GLRA3: variants seen among roughly 807,000 people sequenced by gnomAD.
GLRA3 encodes glycine receptor alpha 3, also known as glycine receptor subunit alpha-3.
In GLRA3, 44 loss-of-function variants were observed where a neutral mutation model predicts 60.4. That is an observed-to-expected ratio of 0.73 (90% CI 0.57 to 0.94). The LOEUF (loss-of-function observed/expected upper bound fraction) is 0.94. Among genes scored for constraint, GLRA3 ranks in the 40% least tolerant of loss-of-function variants. GLRA3 has a pLI of 0.00. For missense variants in GLRA3, 508 were observed against 564.6 expected (o/e 0.90, Z 1.02); for synonymous variants, 223 against 192.9 (o/e 1.16, Z -1.29).
At chr4:174,802,046 T>C (rs922138802) in intron 1 of GLRA3, among the ~76,000 whole-genome samples, 2 of 151,890 alleles carry the variant, frequency 1.3e-5, no homozygotes, top group African/African-American at 2.4e-5. Flanking sequence ...ATTTTTGAAA[T>C]GAATTAACTG....
At chr4:174,711,465 G>A (rs1413766586) in intron 5 of GLRA3, among the ~76,000 whole-genome samples, 1 of 147,388 alleles carries the variant, frequency 6.8e-6, no homozygotes, top group Non-Finnish European at 1.5e-5. Context: ...TTTTTAGAGA[G>A]AGTCTCACTC....
chr4:174,692,051 C>T (rs927257257), intron 5 of GLRA3, among the ~76,000 whole-genome samples: 2 of 151,970 alleles, frequency 1.3e-5, no homozygotes, highest in African/African-American at 4.8e-5. Context: ...ACCACCCCGT[C>T]TGGGAGGTGA....
intron 1 of GLRA3, among the ~76,000 whole-genome samples, chr4:174,810,340 G>C (rs114497219): frequency 1.6e-3 from 236 of 151,966 alleles, no homozygotes; most frequent in African/African-American, 5.4e-3. Flanking sequence ...GGAGAGGCAA[G>C]AACAAATTCT....
intron 1 of GLRA3, among the ~76,000 whole-genome samples, chr4:174,824,756 C>T (rs1305012826): frequency 3.9e-5 from 6 of 152,120 alleles, no homozygotes; most frequent in African/African-American, 1.4e-4. Context: ...GATAGTTGCG[C>T]TTCCTTATAT....
chr4:174,778,610 T>G (rs1269965306), intron 2 of GLRA3, among the ~76,000 whole-genome samples: 1 of 152,170 alleles, frequency 6.6e-6, no homozygotes, highest in Non-Finnish European at 1.5e-5. Flanking sequence ...CGCAGGTCAG[T>G]GGGTGCACGC....
At chr4:174,803,372 T>G (rs1200907657) in intron 1 of GLRA3, among the ~76,000 whole-genome samples, 1 of 152,164 alleles carries the variant, frequency 6.6e-6, no homozygotes, top group Admixed American at 6.6e-5. Flanking sequence ...TAAAGGAAAC[T>G]AATTAAGTGT....
chr4:174,757,762 T>C (rs1468725949), intron 3 of GLRA3, among the ~76,000 whole-genome samples: 2 of 152,192 alleles, frequency 1.3e-5, no homozygotes, highest in Non-Finnish European at 2.9e-5. Flanking sequence ...CATAATCTCT[T>C]TATCCCCTTA....
At chr4:174,750,097 A>G (rs1304958777) in intron 3 of GLRA3, among the ~76,000 whole-genome samples, 2 of 152,030 alleles carry the variant, frequency 1.3e-5, no homozygotes, top group Non-Finnish European at 2.9e-5. Flanking sequence ...TAGAAAGCCA[A>G]TTATACTCAA....
chr4:174,779,465 A>C (rs1165933829), intron 2 of GLRA3, among the ~76,000 whole-genome samples: 1 of 152,236 alleles, frequency 6.6e-6, no homozygotes, highest in African/African-American at 2.4e-5. Context: ...TGGACGGAGA[A>C]TGACTTTGAC....
At chr4:174,767,339 A>T (rs1738186043) in intron 2 of GLRA3, among the ~76,000 whole-genome samples, 1 of 151,966 alleles carries the variant, frequency 6.6e-6, no homozygotes, top group African/African-American at 2.4e-5. Flanking sequence ...TCATTCAGGG[A>T]TAGTTTCTAT....
At chr4:174,754,524 T>C (rs750462429) in intron 3 of GLRA3, among the ~76,000 whole-genome samples, 1 of 152,118 alleles carries the variant, frequency 6.6e-6, no homozygotes, top group Non-Finnish European at 1.5e-5. Flanking sequence ...ATAGCATCAA[T>C]CTAATAATAT....
chr4:174,808,363 A>G (rs1740131115), intron 1 of GLRA3, among the ~76,000 whole-genome samples: 1 of 152,076 alleles, frequency 6.6e-6, no homozygotes, highest in Non-Finnish European at 1.5e-5. Context: ...ACCCATGGTA[A>G]TATCATAGGG....
intron 1 of GLRA3, among the ~76,000 whole-genome samples, chr4:174,790,482 A>G (rs1024517848): frequency 1.7e-4 from 26 of 151,650 alleles, no homozygotes; most frequent in African/African-American, 6.1e-4. Flanking sequence ...GCATTTGTTT[A>G]TATTCCATGG....
At chr4:174,737,482 T>C (rs1344674452) in intron 3 of GLRA3, among the ~76,000 whole-genome samples, 1 of 152,140 alleles carries the variant, frequency 6.6e-6, no homozygotes, top group Non-Finnish European at 1.5e-5. Context: ...TATTTTCAAA[T>C]TTTTCTGAAT....
intron 2 of GLRA3, among the ~76,000 whole-genome samples, chr4:174,780,074 T>G (rs1200036869): frequency 2.7e-5 from 4 of 147,932 alleles, no homozygotes; most frequent in Non-Finnish European, 6.0e-5. Context: ...AAAGGTCGGG[T>G]TACCCTCAAA....
rs1316874894 is a variant in GLRA3, at chr4:174,643,503, C to G, written c.*283G>C. 9.8e-7 allele frequency: 1 copy of G among 1,022,774 alleles called. No homozygotes were observed. The highest frequency in any genetic ancestry group is 1.2e-6 in the Non-Finnish European group (1 of 859,048). 63.4% of individuals were successfully genotyped at this position (1,022,774 alleles called of 1,614,324 possible). On this transcript the variant is annotated 3_prime_UTR_variant, in exon 10 of 10. Coordinates refer to ENST00000274093, the MANE Select transcript of GLRA3 (RefSeq NM_006529.4). ...TATGAGATATTATATAACATATAAA[C>G]ACATTGGCAGTAAAGCTTCCACTTA...
chr4:174,740,469 G>A (rs1484397830), intron 3 of GLRA3, among the ~76,000 whole-genome samples: 1 of 152,094 alleles, frequency 6.6e-6, no homozygotes, highest in African/African-American at 2.4e-5. Context: ...CATTTTGAAT[G>A]CTGATCCTCC....
At chr4:174,791,260 G>A (rs1349123220) in intron 1 of GLRA3, among the ~76,000 whole-genome samples, 1 of 152,156 alleles carries the variant, frequency 6.6e-6, no homozygotes, top group Non-Finnish European at 1.5e-5. Context: ...AGGAATTGGG[G>A]TGACGCGGCC....
intron 3 of GLRA3, among the ~76,000 whole-genome samples, chr4:174,760,483 A>G (rs1378118702): frequency 1.3e-5 from 2 of 152,150 alleles, no homozygotes; most frequent in East Asian, 3.9e-4. Flanking sequence ...ACCCTGTAGA[A>G]TAGCTTGCAT....
Sources: gnomAD v4.1 joint callset for allele counts (sites outside exome capture counted in the v4.1 genomes callset) on GRCh38, gnomAD v4.1.1 for gene constraint, MANE v1.5 for transcripts, NCBI Gene and HGNC (gene_info 2026-07-23, HGNC 2026-07-21) for gene names.